The following NCAM2 variants were observed in gnomAD, a reference collection of about 807,000 sequenced individuals.
The protein encoded by NCAM2 is neural cell adhesion molecule 2, also known as N-CAM-2.
NCAM2 carries 30 observed loss-of-function variants against 98.1 expected under a neutral mutation model. The ratio of observed to expected loss-of-function variants is 0.31; its 90% CI spans 0.23 to 0.41. NCAM2 has a LOEUF of 0.41. NCAM2 is among the 10% of genes least tolerant of loss of function. The probability of loss-of-function intolerance (pLI) is 1.00; values close to 1 mark genes in which losing one functional copy is unlikely to be tolerated. For missense variants in NCAM2, 867 were observed against 1,005.8 expected, an observed-to-expected ratio of 0.86 and a Z score of 1.87; for synonymous variants, 368 against 342.4, an observed-to-expected ratio of 1.07 and a Z score of -0.83.
At chr21:21,159,678 G>A (rs961582484) in intron 1 of NCAM2, among the ~76,000 whole-genome samples, 5 of 151,932 alleles carry the variant, frequency 3.3e-5, no homozygotes, top group South Asian at 2.1e-4. Context: ...CCACTCTGAC[G>A]TTCACACAAT....
chr21:21,095,942 G>T (rs945135418), intron 1 of NCAM2, among the ~76,000 whole-genome samples: 1 of 150,930 alleles, frequency 6.6e-6, no homozygotes, highest in African/African-American at 2.4e-5. Context: ...AGTGAATTGC[G>T]AATGAGAGAT....
At chr21:21,119,742 G>A (rs999657312) in intron 1 of NCAM2, among the ~76,000 whole-genome samples, 1 of 152,072 alleles carries the variant, frequency 6.6e-6, no homozygotes, top group Non-Finnish European at 1.5e-5. Flanking sequence ...ATTATCTGGA[G>A]ATATCTTATT....
At chr21:21,102,153 C>T (rs2066255163) in intron 1 of NCAM2, among the ~76,000 whole-genome samples, 1 of 152,024 alleles carries the variant, frequency 6.6e-6, no homozygotes, top group Admixed American at 6.6e-5. Flanking sequence ...GTAAAATATG[C>T]ACACTTGTGT....
At chr21:21,166,522 T>C (rs1271523021) in intron 1 of NCAM2, among the ~76,000 whole-genome samples, 1 of 152,126 alleles carries the variant, frequency 6.6e-6, no homozygotes, top group Non-Finnish European at 1.5e-5. Context: ...TCAAGACTTA[T>C]ACAATGATAA....
chr21:21,364,226 T>A (rs1273898864), intron 8 of NCAM2, among the ~76,000 whole-genome samples: 1 of 151,990 alleles, frequency 6.6e-6, no homozygotes, highest in East Asian at 1.9e-4. Context: ...TCTTTCATGT[T>A]CTGTATAAAA....
At chr21:21,155,719 T>C (rs1014341407) in intron 1 of NCAM2, among the ~76,000 whole-genome samples, 1 of 151,998 alleles carries the variant, frequency 6.6e-6, no homozygotes, top group Non-Finnish European at 1.5e-5. Flanking sequence ...TTTCAGATAA[T>C]TTAAACATAA....
At chr21:21,046,296 C>T (rs185190641) in intron 1 of NCAM2, among the ~76,000 whole-genome samples, 8 of 152,072 alleles carry the variant, frequency 5.3e-5, no homozygotes, top group Admixed American at 2.0e-4. Context: ...ATGCAAATGG[C>T]AGGGGATTAG....
intron 15 of NCAM2, among the ~76,000 whole-genome samples, chr21:21,499,138 A>G (rs1017682199): frequency 6.6e-6 from 1 of 152,236 alleles, no homozygotes; most frequent in Non-Finnish European, 1.5e-5. Flanking sequence ...ATTTTTAAAA[A>G]CTTGTTGATT....
At chr21:21,184,387 C>T (rs951003773) in intron 1 of NCAM2, among the ~76,000 whole-genome samples, 1 of 151,766 alleles carries the variant, frequency 6.6e-6, no homozygotes, top group Non-Finnish European at 1.5e-5. Context: ...TCTGTTTTAA[C>T]TGTGGAGTAC....
intron 1 of NCAM2, among the ~76,000 whole-genome samples, chr21:21,186,878 T>A (rs1047614079): frequency 1.3e-5 from 2 of 152,174 alleles, no homozygotes. Flanking sequence ...TCTTTTTGAT[T>A]TTTAAAAAAG....
chr21:21,340,324 C>T (rs1174531032), intron 8 of NCAM2, among the ~76,000 whole-genome samples: 1 of 151,824 alleles, frequency 6.6e-6, no homozygotes, highest in Non-Finnish European at 1.5e-5. Context: ...ATATATTATG[C>T]AGAGAATGAA....
At chr21:21,518,644 A>G (rs1988843778) in intron 16 of NCAM2, among the ~76,000 whole-genome samples, 1 of 151,336 alleles carries the variant, frequency 6.6e-6, no homozygotes, top group Admixed American at 6.6e-5. Flanking sequence ...CATATACTAT[A>G]TATTATGCTA....
At chr21:21,486,747 A>C (rs1986423779) in intron 15 of NCAM2, among the ~76,000 whole-genome samples, 4 of 152,192 alleles carry the variant, frequency 2.6e-5, no homozygotes, top group African/African-American at 9.6e-5. Context: ...TTTACATATC[A>C]TAACTCAAGG....
chr21:21,240,846 T>TTA (rs1007188367), intron 1 of NCAM2, among the ~76,000 whole-genome samples: 5 of 152,146 alleles, frequency 3.3e-5, no homozygotes, highest in African/African-American at 7.2e-5. Flanking sequence ...ATGGGGATAA[T>TTA]TATATATATC....
intron 1 of NCAM2, among the ~76,000 whole-genome samples, chr21:21,279,107 G>A (rs1014376670): frequency 6.6e-5 from 10 of 152,158 alleles, no homozygotes; most frequent in African/African-American, 2.4e-4. Flanking sequence ...TTGCCACTTA[G>A]CTGTGAGCCC....
chr21:21,028,409 G>C (rs1314743924), intron 1 of NCAM2, among the ~76,000 whole-genome samples: 1 of 152,152 alleles, frequency 6.6e-6, no homozygotes, highest in African/African-American at 2.4e-5. Flanking sequence ...CTTTAATGAG[G>C]CCTGACCAGC....
intron 1 of NCAM2, among the ~76,000 whole-genome samples, chr21:21,255,110 A>G (rs1360935419): frequency 2.0e-5 from 3 of 152,210 alleles, no homozygotes; most frequent in African/African-American, 7.2e-5. Flanking sequence ...GGAAGGGCAC[A>G]GGTTAAATGT....
intron 7 of NCAM2, 48 bp downstream of exon 7, chr21:21,335,713 T>A: frequency 7.2e-7 from 1 of 1,393,156 alleles, no homozygotes; most frequent in Non-Finnish European, 9.5e-7. Context: ...TATTGGAAGA[T>A]CAGAGTGAAA....
chr21:21,109,060 GA>G (rs982303546), intron 1 of NCAM2, among the ~76,000 whole-genome samples: 1 of 152,038 alleles, frequency 6.6e-6, no homozygotes, highest in African/African-American at 2.4e-5. Context: ...TCACATTTGT[GA>G]AAGTTATTTA....
Sources: gnomAD v4.1 joint callset for allele counts (sites outside exome capture counted in the v4.1 genomes callset) on GRCh38, gnomAD v4.1.1 for gene constraint, MANE v1.5 for transcripts, NCBI Gene and HGNC (gene_info 2026-07-23, HGNC 2026-07-21) for gene names.